AMBP: variants seen among roughly 807,000 people sequenced by gnomAD.
AMBP encodes the protein alpha-1-microglobulin/bikunin precursor.
In AMBP, 37 loss-of-function variants were observed where a neutral mutation model predicts 46.3. That is an observed-to-expected ratio of 0.80 (90% CI 0.61 to 1.05). AMBP has a LOEUF of 1.05. Ranked by LOEUF, AMBP falls within the 50% of genes least tolerant of loss-of-function variation. The probability of loss-of-function intolerance (pLI) is 0.00; values close to 1 mark genes in which losing one functional copy is unlikely to be tolerated. For synonymous variants in AMBP, 174 were observed against 175.9 expected (o/e 0.99, Z 0.09); for missense variants, 475 against 461.2 (o/e 1.03, Z -0.27).
chr9:114,078,170 A>G lies in AMBP; in HGVS notation c.40T>C (p.Cys14Arg). 4.3e-6 allele frequency: 7 copies of G among 1,613,438 alleles called. No individual in the cohort carries two copies. Among genetic ancestry groups the G allele is most frequent in the Non-Finnish European group, 5.1e-6 (6 of 1,180,022 alleles). The change falls in exon 1 of 10, where the codon TGC becomes CGC. Residue 14 changes from cysteine (C) to arginine (R), a missense_variant. By Grantham distance (180) the Cys-to-Arg change is radical (BLOSUM62 -3). Coordinates refer to ENST00000265132, the MANE Select transcript of AMBP (RefSeq NM_001633.4). The stretch of plus-strand genomic sequence containing the variant: ...ACAGGGCCAGCGCTCACCGCCAGGC[A>G]GGCGCTCAGCAGCAAGAGCAGGGCC... ...LGALLLLLSA[C>R]LAVSAGPVPT...
At chr9:114,077,312 T>C (rs533381304) in intron 1 of AMBP, among the ~76,000 whole-genome samples, 3 of 152,218 alleles carry the variant, frequency 2.0e-5, no homozygotes, top group Admixed American at 1.3e-4. Context: ...CTGCTCCTCA[T>C]TGCCCCTCTG....
Position 114,076,588 on chromosome 9 carries a change from T to C in AMBP, c.260+10A>G, listed in dbSNP as rs2134857118. ...CTCTCTCAGCTTTCCAGCCCCACCC[T>C]AGTGCTCACCGCCAACGAGTGCTGG... On this transcript the variant is annotated intron_variant, in intron 2 of 9. Transcript: ENST00000265132. The C allele has an allele frequency of 6.2e-7, 1 of 1,612,976 alleles. No individual in the cohort carries two copies. The highest frequency in any genetic ancestry group is 1.1e-5 in the South Asian group (1 of 91,024).
At chr9:114,073,970 A>G in intron 4 of AMBP, 66 bp downstream of exon 4, 1 of 1,476,466 alleles carries the variant, frequency 6.8e-7, no homozygotes, top group Non-Finnish European at 9.5e-7. Flanking sequence ...TACCCACTCC[A>G]CTGTCCATAA....
intron 5 of AMBP, among the ~76,000 whole-genome samples, chr9:114,072,057 C>CTA (rs1452267504): frequency 6.6e-6 from 1 of 152,216 alleles, no homozygotes; most frequent in Non-Finnish European, 1.5e-5. Flanking sequence ...GAACTTGGGA[C>CTA]CCACAAAATG....
intron 5 of AMBP, among the ~76,000 whole-genome samples, chr9:114,070,401 C>G (rs1464499005): frequency 2.0e-5 from 3 of 152,200 alleles, no homozygotes; most frequent in Non-Finnish European, 4.4e-5. Flanking sequence ...CTCTGTTGCT[C>G]CACACTCTGG....
chr9:114,069,560 A>T, intron 6 of AMBP, 139 bp downstream of exon 6: 1 of 794,732 alleles, frequency 1.3e-6, no homozygotes, highest in Non-Finnish European at 2.0e-6. Flanking sequence ...TCTGACTTCA[A>T]CACTCATGGC....
intron 6 of AMBP, among the ~76,000 whole-genome samples, chr9:114,068,609 T>TA (rs542602247): frequency 1.7e-3 from 251 of 144,046 alleles, no homozygotes; most frequent in African/African-American, 2.6e-3. Flanking sequence ...CTGTCTCAAT[T>TA]AAAAAAAAAA....
At position 114,060,218 on chromosome 9, in the gene AMBP, G is replaced by A. The variant is rs766436518; in HGVS notation, c.*21C>T. ...CCGGGACAGACACTGGCCATCCTCT[G>A]ACTTGCAGACCGGCCAGTTGTCAGT... On this transcript the variant is annotated 3_prime_UTR_variant, in exon 10 of 10. Coordinates refer to ENST00000265132, the MANE Select transcript of AMBP (RefSeq NM_001633.4). 66 of 1,611,838 alleles carry A rather than the reference G, an allele frequency of 4.1e-5. No homozygotes were observed. In the East Asian group the frequency reaches 1.4e-3, roughly 35 times the overall value.
chr9:114,076,447 C>T (rs1028908764), intron 2 of AMBP, 151 bp downstream of exon 2: 7 of 1,123,918 alleles, frequency 6.2e-6, no homozygotes, highest in East Asian at 2.6e-5. Flanking sequence ...TGAAAAGGGC[C>T]GTCCTGGTGG....
intron 6 of AMBP, among the ~76,000 whole-genome samples, chr9:114,064,563 T>C (rs143936277): frequency 6.6e-6 from 1 of 152,254 alleles, no homozygotes; most frequent in African/African-American, 2.4e-5. Flanking sequence ...GGTTTTATTC[T>C]TGACATTGAT....
intron 5 of AMBP, among the ~76,000 whole-genome samples, chr9:114,072,364 G>T (rs1846754358): frequency 6.6e-6 from 1 of 152,220 alleles, no homozygotes. Flanking sequence ...CCCCATGGCA[G>T]CAGCCAGTAT....
Position 114,061,160 on chromosome 9 carries a change from T to C in AMBP, c.854-62A>G, listed in dbSNP as rs1846633249. 8 of 1,569,692 alleles carry C rather than the reference T, an allele frequency of 5.1e-6. No homozygotes were observed. In the South Asian group the frequency reaches 7.1e-5, roughly 14 times the overall value. On this transcript the variant is annotated intron_variant, in intron 8 of 9. Transcript: ENST00000265132. ...CTTGTGACTGCTGATCAGACATACA[T>C]GAGACTGCTGAGCCAGAGGGCCCTG...
At chr9:114,076,969 A>C (rs1173379055) in intron 1 of AMBP, among the ~76,000 whole-genome samples, 1 of 152,180 alleles carries the variant, frequency 6.6e-6, no homozygotes, top group African/African-American at 2.4e-5. Context: ...CCCAGGAAGC[A>C]GGTGTGCGGC....
At position 114,061,444 on chromosome 9, in the gene AMBP, A is replaced by G; in HGVS notation, c.833T>C (p.Leu278Pro). The G allele has an allele frequency of 1.2e-6, 2 of 1,614,074 alleles. No individual in the cohort carries two copies. Among genetic ancestry groups the G allele is most frequent in the Non-Finnish European group, 1.7e-6 (2 of 1,180,016 alleles). The change falls in exon 8 of 10, where the codon CTG becomes CCG. Residue 278 changes from leucine (L) to proline (P), a missense_variant. By Grantham distance (98) the Leu-to-Pro change is moderately conservative. Around this residue, in one of 3 missense-constraint regions of AMBP, gnomAD observed 293 missense variants for 276.9 expected, o/e 1.06. Transcript: ENST00000265132. Reference sequence around the variant, plus strand: ...CTCACCCACAGTTCGGCAGGTCTGCAGACACTCCTTTTCTGTGACGAAGTT... The same window carrying G: ...CTCACCCACAGTTCGGCAGGTCTGCGGACACTCCTTTTCTGTGACGAAGTT... The part of the protein sequence containing the change: ...GNNFVTEKEC[L>P]QTCRTVAACN...
rs772867062 is a variant in AMBP at position 114,061,112 on chromosome 9, A to C, written c.854-14T>G. On this transcript the variant is annotated splice_polypyrimidine_tract_variant and intron_variant, in intron 8 of 9. Transcript: ENST00000265132. Reference sequence around the variant, plus strand: ...GATTGCAGGCCGCTGTGGAGTGGAGAGAGGCATGGAACTTGAGAAACCCTT... The same window carrying C: ...GATTGCAGGCCGCTGTGGAGTGGAGCGAGGCATGGAACTTGAGAAACCCTT... 3.1e-6 allele frequency: 5 copies of C among 1,612,748 alleles called. No homozygotes were observed. Among genetic ancestry groups the C allele is most frequent in the South Asian group, 1.1e-5 (1 of 90,870 alleles).
intron 6 of AMBP, among the ~76,000 whole-genome samples, chr9:114,065,931 G>C (rs79105551): frequency 6.6e-6 from 1 of 152,226 alleles, no homozygotes; most frequent in African/African-American, 2.4e-5. Context: ...GAGCCCAGCT[G>C]TGGTGGACAC....
intron 4 of AMBP, among the ~76,000 whole-genome samples, chr9:114,073,495 T>G (rs1846767694): frequency 1.2e-5 from 1 of 86,006 alleles, no homozygotes; most frequent in Non-Finnish European, 2.6e-5. Flanking sequence ...CAATCCCTGT[T>G]TTTTTTTTTT....
rs1846774846 is a variant in AMBP, at chr9:114,074,040, G to A, written c.450C>T (p.Leu150=). ...CATCTAGTAATGAGCCTTTACCGTA[G>A]AGCTTGGCAGTAATGGTGGGTCCAT... The part of the protein sequence containing the change: ...RHHGPTITAK[L]YGRAPQLRET... Residue 150 remains leucine, a synonymous_variant, in exon 4 of 10, where the codon CTC becomes CTT. Transcript: ENST00000265132. 6.2e-7 allele frequency: 1 copy of A among 1,613,770 alleles called. No individual in the cohort carries two copies. The highest frequency in any genetic ancestry group is 8.5e-7 in the Non-Finnish European group (1 of 1,179,674).
At chr9:114,074,190 G>A in intron 3 of AMBP, 38 bp from the exon 4 acceptor site, 3 of 1,539,742 alleles carry the variant, frequency 1.9e-6, no homozygotes, top group South Asian at 1.1e-5. Context: ...GGGATCAGTG[G>A]TCAGTAGACT....
Sources: gnomAD v4.1 joint callset for allele counts (sites outside exome capture counted in the v4.1 genomes callset) on GRCh38, gnomAD v4.1.1 for gene constraint, gnomAD v4.1.1 regional missense constraint, MANE v1.5 for transcripts, NCBI Gene and HGNC (gene_info 2026-07-23, HGNC 2026-07-21) for gene names.